The following UBE2U variants were observed in gnomAD, a reference collection of about 807,000 sequenced individuals.
The protein encoded by UBE2U is ubiquitin-conjugating enzyme E2 U.
Under a neutral mutation model 41.2 loss-of-function variants are expected in UBE2U, and 39 were observed. The observed-to-expected ratio is 0.95, with a 90% CI of 0.73 to 1.24. The LOEUF (loss-of-function observed/expected upper bound fraction) is 1.24, where lower values mean the gene tolerates loss of function less well. UBE2U is among the 50% of genes most tolerant of loss of function. The pLI is 0.00. For missense variants in UBE2U, 336 were observed against 363.1 expected (o/e 0.93, Z 0.61); for synonymous variants, 107 against 117.8 (o/e 0.91, Z 0.60).
At chr1:64,247,511 G>T (rs825196) in intron 8 of UBE2U, among the ~76,000 whole-genome samples, 1,888 of 152,226 alleles carry the variant, frequency 0.012, 30 homozygotes, top group African/African-American at 0.043. Context: ...GGGAAGGAGG[G>T]TGGAGGAGTA....
intron 7 of UBE2U, among the ~76,000 whole-genome samples, chr1:64,233,470 G>A (rs1361196037): frequency 5.9e-5 from 9 of 152,148 alleles, no homozygotes; most frequent in Non-Finnish European, 8.8e-5. Flanking sequence ...AAGAAAGATA[G>A]TCAATTGGAG....
intron 7 of UBE2U, among the ~76,000 whole-genome samples, chr1:64,239,141 GAAGAAGAAGAAGAAGA>G (rs1294275627): frequency 0.029 from 819 of 28,036 alleles, 21 homozygotes; most frequent in South Asian, 0.061. Context: ...AGAAGAAGAA[GAAGAAGAAGAAGAAGA>G]AAGAAGAAGA....
chr1:64,218,410 A>G (rs1490885296), intron 5 of UBE2U, among the ~76,000 whole-genome samples: 1 of 152,214 alleles, frequency 6.6e-6, no homozygotes, highest in East Asian at 1.9e-4. Flanking sequence ...TTTAACGAGA[A>G]ATGTTAAATA....
intron 8 of UBE2U, among the ~76,000 whole-genome samples, chr1:64,250,576 G>C (rs1465646456): frequency 2.0e-5 from 3 of 152,100 alleles, no homozygotes; most frequent in South Asian, 4.1e-4. Context: ...TATACCCAAA[G>C]GATTATAAAT....
chr1:64,246,492 GCTTTATTCCCTAAAA>G (rs1342667703), intron 8 of UBE2U, among the ~76,000 whole-genome samples: 10 of 152,240 alleles, frequency 6.6e-5, no homozygotes, highest in African/African-American at 2.4e-4. Flanking sequence ...AGGAGTGCTA[GCTTTATTCCCTAAAA>G]TTAAACCTTG....
At chr1:64,237,886 G>C (rs1470489558) in intron 7 of UBE2U, among the ~76,000 whole-genome samples, 1 of 152,158 alleles carries the variant, frequency 6.6e-6, no homozygotes. Context: ...AATATAAAAT[G>C]AGGAAAGGCA....
At chr1:64,249,892 C>A (rs1473848101) in intron 8 of UBE2U, among the ~76,000 whole-genome samples, 1 of 151,884 alleles carries the variant, frequency 6.6e-6, no homozygotes, top group Non-Finnish European at 1.5e-5. Context: ...ATGAAGTCTG[C>A]AAATTCACAG....
chr1:64,212,937 T>G (rs1651749682), intron 4 of UBE2U, among the ~76,000 whole-genome samples: 1 of 152,152 alleles, frequency 6.6e-6, no homozygotes, highest in Admixed American at 6.6e-5. Context: ...TGTCTTTTTA[T>G]TTTTCGAAAA....
intron 8 of UBE2U, among the ~76,000 whole-genome samples, chr1:64,242,162 A>G (rs1185369434): frequency 6.6e-6 from 1 of 152,184 alleles, no homozygotes; most frequent in Non-Finnish European, 1.5e-5. Flanking sequence ...TTCTCATTCA[A>G]GACCAAATAT....
chr1:64,251,024 T>G (rs906069446), intron 8 of UBE2U, among the ~76,000 whole-genome samples: 2 of 151,766 alleles, frequency 1.3e-5, no homozygotes, highest in African/African-American at 4.8e-5. Flanking sequence ...GTAACCAACC[T>G]GCAGGTTGTG....
chr1:64,203,742 T>G lies in UBE2U; in HGVS notation c.-309T>G. 3.6e-6 allele frequency: 1 copy of G among 281,018 alleles called. No homozygotes were observed. The highest frequency in any genetic ancestry group is 5.2e-5 in the Admixed American group (1 of 19,376). The allele number at this position is 281,018 out of a possible 1,614,324, so 17.4% of individuals were successfully genotyped here. A position where few individuals can be genotyped will look rare whatever the true frequency, so the allele number is the denominator to read the frequency against. The stretch of plus-strand genomic sequence containing the variant: ...CCACTCACGCGCCGACGACATGGGC[T>G]TGTCTCCGTTACTCATCCAAGTTTG... On this transcript the variant is annotated 5_prime_UTR_variant, in exon 1 of 10. Transcript: ENST00000371077.
rs149062313 is a variant in UBE2U at position 64,239,157 on chromosome 1, AAAGAAGAAGAAGAAGAAGAAGAAG to A, written c.596-2483_596-2460del. Among the ~76,000 whole-genome samples the A allele has an allele frequency of 1.2e-3, 45 of 37,058 alleles. 1 individual carries two copies. Among genetic ancestry groups the A allele is most frequent in the Admixed American group, 9.5e-3 (30 of 3,158 alleles). The allele number at this position is 37,058 out of a possible 152,430, so 24.3% of individuals were successfully genotyped here. A position where few individuals can be genotyped will look rare whatever the true frequency, so the allele number is the denominator to read the frequency against. The stretch of plus-strand genomic sequence containing the variant: ...GAAGAAGAAGAAGAAGAAGAAGAAG[AAAGAAGAAGAAGAAGAAGAAGAAG>A]AAGAAGAAGAAAGCCCCAGACAAGG... On this transcript the variant is annotated intron_variant, in intron 7 of 9. Transcript: ENST00000371077.
intron 7 of UBE2U, among the ~76,000 whole-genome samples, chr1:64,239,125 A>AGAGGAAGAGGAAGAGGAAGAG (rs1557730178): frequency 2.4e-3 from 58 of 24,356 alleles, no homozygotes; most frequent in African/African-American, 0.011. Flanking sequence ...AAGAAGAAGA[A>AGAGGAAGAGGAAGAGGAAGAG]GAAGAAGAAG....
At chr1:64,253,111 A>G (rs1252411832) in intron 8 of UBE2U, among the ~76,000 whole-genome samples, 2 of 152,210 alleles carry the variant, frequency 1.3e-5, no homozygotes, top group Non-Finnish European at 2.9e-5. Context: ...AGAACTTCAC[A>G]ACGCAATCAC....
chr1:64,216,009 C>A (rs181718189), intron 5 of UBE2U, among the ~76,000 whole-genome samples: 1 of 152,288 alleles, frequency 6.6e-6, no homozygotes, highest in East Asian at 1.9e-4. Context: ...AATCAACAGG[C>A]CTTGATTTCT....
chr1:64,260,570 T>G (rs1356579100), intron 8 of UBE2U, 33 bp from the exon 9 acceptor site: 5 of 1,502,242 alleles, frequency 3.3e-6, no homozygotes. Flanking sequence ...CCAAAATTCA[T>G]TTGGGAATTT....
intron 7 of UBE2U, among the ~76,000 whole-genome samples, chr1:64,235,047 G>A (rs1007954006): frequency 6.6e-6 from 1 of 152,092 alleles, no homozygotes; most frequent in Non-Finnish European, 1.5e-5. Flanking sequence ...AAAAATAGAA[G>A]CATGTGCCAA....
intron 6 of UBE2U, among the ~76,000 whole-genome samples, chr1:64,222,313 A>G (rs1652549293): frequency 6.6e-6 from 1 of 152,188 alleles, no homozygotes; most frequent in Non-Finnish European, 1.5e-5. Flanking sequence ...ATCACCTAAA[A>G]CATGAATGTC....
rs184008050 is a variant in UBE2U, at chr1:64,228,312, G to A, written c.507-4249G>A. On this transcript the variant is annotated intron_variant, in intron 6 of 9. Coordinates refer to ENST00000371077, the MANE Select transcript of UBE2U (RefSeq NM_001366232.2). ...GTGGTCAGTCCCATCAGAGTGTATGGTATCTACATAACGGGGGAAGAATGC... is the reference window on the plus strand; with the variant it reads ...GTGGTCAGTCCCATCAGAGTGTATGATATCTACATAACGGGGGAAGAATGC... Among the ~76,000 whole-genome samples the A allele has an allele frequency of 2.5e-4, 38 of 152,266 alleles. 1 individual carries two copies. The East Asian group carries it at 6.8e-3, about 27-fold the overall frequency.
Sources: gnomAD v4.1 joint callset for allele counts (sites outside exome capture counted in the v4.1 genomes callset) on GRCh38, gnomAD v4.1.1 for gene constraint, MANE v1.5 for transcripts, NCBI Gene and HGNC (gene_info 2026-07-23, HGNC 2026-07-21) for gene names.